CA10: variants seen among roughly 807,000 people sequenced by gnomAD.
CA10 encodes the protein carbonic anhydrase-related protein 10.
Under a neutral mutation model 44.2 loss-of-function variants are expected in CA10, and 14 were observed. The observed-to-expected ratio is 0.32, with a 90% CI of 0.21 to 0.50. The LOEUF (loss-of-function observed/expected upper bound fraction) is 0.50. Among genes scored for constraint, CA10 ranks in the 20% least tolerant of loss-of-function variants. The pLI is 0.99. For missense variants in CA10, 350 were observed against 409.7 expected, an observed-to-expected ratio of 0.85 and a Z score of 1.26; for synonymous variants, 159 against 141.6, an observed-to-expected ratio of 1.12 and a Z score of -0.87.
At chr17:52,156,470 T>G (rs2143427045) in intron 1 of CA10, among the ~76,000 whole-genome samples, 1 of 152,304 alleles carries the variant, frequency 6.6e-6, no homozygotes, top group South Asian at 2.1e-4. Context: ...CAGAATGATT[T>G]CGGATAAGAG....
intron 2 of CA10, among the ~76,000 whole-genome samples, chr17:51,932,426 T>C (rs1168258020): frequency 6.6e-6 from 1 of 152,158 alleles, no homozygotes; most frequent in African/African-American, 2.4e-5. Flanking sequence ...CCAAAGATAC[T>C]CAAATTCTTT....
intron 1 of CA10, among the ~76,000 whole-genome samples, chr17:52,152,377 T>C (rs1215481155): frequency 6.6e-6 from 1 of 152,140 alleles, no homozygotes; most frequent in Non-Finnish European, 1.5e-5. Context: ...AACTTTCCAG[T>C]ATCTCCCAAA....
chr17:52,117,374 G>A (rs1162529809), intron 1 of CA10, among the ~76,000 whole-genome samples: 1 of 152,140 alleles, frequency 6.6e-6, no homozygotes, highest in African/African-American at 2.4e-5. Context: ...AGCTATACCT[G>A]TTTATTGGGC....
At chr17:52,064,566 CTTTTT>C (rs5820903) in intron 2 of CA10, among the ~76,000 whole-genome samples, 4 of 148,852 alleles carry the variant, frequency 2.7e-5, no homozygotes, top group Non-Finnish European at 4.5e-5. Flanking sequence ...AATCATGAGA[CTTTTT>C]TTTTTTTTAA....
At chr17:52,092,060 T>C (rs959579746) in intron 1 of CA10, among the ~76,000 whole-genome samples, 10 of 152,184 alleles carry the variant, frequency 6.6e-5, no homozygotes, top group African/African-American at 2.4e-4. Flanking sequence ...TGTCTTTCTC[T>C]TTCTCTTTCT....
Position 51,804,108 on chromosome 17 carries a change from C to T in CA10, c.280-56290G>A, listed in dbSNP as rs114719529. 9.9e-3 allele frequency among the ~76,000 whole-genome samples: 1,500 copies of T among 152,240 alleles called. 29 individuals carry two copies. The highest frequency in any genetic ancestry group is 0.035 in the African/African-American group (1,446 of 41,526). ...TTATTATACAGTTTATAGAATGGTG[C>T]CTGGCACATATTTAAATGGTAAATT... On this transcript the variant is annotated intron_variant, in intron 3 of 8. Transcript: ENST00000451037.
intron 3 of CA10, among the ~76,000 whole-genome samples, chr17:51,779,773 G>A (rs2143674335): frequency 6.6e-6 from 1 of 152,286 alleles, no homozygotes; most frequent in Non-Finnish European, 1.5e-5. Context: ...TTTAGGTGAG[G>A]AACCTGAAAA....
rs181730412 is a variant in CA10 at position 51,785,257 on chromosome 17, G to C, written c.280-37439C>G. Among the ~76,000 whole-genome samples, 77 of 151,042 alleles carry C rather than the reference G, an allele frequency of 5.1e-4. 1 individual carries two copies. The East Asian group carries it at 0.012, about 23-fold the overall frequency. Reference sequence around the variant, plus strand: ...AACATGAGAGTGTAGATGTCTCTTCGATATACTGATTTCGTGGTTATTAAT... The same window carrying C: ...AACATGAGAGTGTAGATGTCTCTTCCATATACTGATTTCGTGGTTATTAAT... On this transcript the variant is annotated intron_variant, in intron 3 of 8. Transcript: ENST00000451037.
intron 3 of CA10, among the ~76,000 whole-genome samples, chr17:51,811,483 T>C (rs1447422194): frequency 1.3e-5 from 2 of 152,166 alleles, no homozygotes; most frequent in Admixed American, 6.5e-5. Context: ...CCCCACCCTG[T>C]GTCCAAGTAA....
At chr17:51,813,690 C>T (rs911612402) in intron 3 of CA10, among the ~76,000 whole-genome samples, 1 of 152,196 alleles carries the variant, frequency 6.6e-6, no homozygotes, top group African/African-American at 2.4e-5. Context: ...TGTGCAATTA[C>T]ACAGTGAGGG....
At chr17:51,701,707 A>G (rs1263963) in intron 4 of CA10, among the ~76,000 whole-genome samples, 65,891 of 152,014 alleles carry the variant, frequency 0.43, 14,702 homozygotes, top group African/African-American at 0.53. Flanking sequence ...GGCCAAGAAA[A>G]CAATTTCACA....
At chr17:51,744,698 G>A (rs140038652) in intron 4 of CA10, among the ~76,000 whole-genome samples, 30 of 152,184 alleles carry the variant, frequency 2.0e-4, no homozygotes, top group African/African-American at 6.0e-4. Flanking sequence ...TCACTGTATC[G>A]TTTTCATCGT....
At chr17:51,827,757 G>A (rs1286273923) in intron 3 of CA10, among the ~76,000 whole-genome samples, 1 of 152,142 alleles carries the variant, frequency 6.6e-6, no homozygotes, top group Non-Finnish European at 1.5e-5. Flanking sequence ...GGCACAGACT[G>A]GCTAGCTCTT....
chr17:51,727,356 C>T (rs952855134), intron 4 of CA10, among the ~76,000 whole-genome samples: 1 of 152,094 alleles, frequency 6.6e-6, no homozygotes, highest in Admixed American at 6.5e-5. Flanking sequence ...GGGTATCCCA[C>T]ACATTTTTAA....
intron 3 of CA10, among the ~76,000 whole-genome samples, chr17:51,845,032 C>T (rs1598077329): frequency 1.3e-5 from 2 of 152,126 alleles, no homozygotes; most frequent in African/African-American, 4.8e-5. Flanking sequence ...TGGAATGATG[C>T]ATTTACAAGC....
In CA10 at chr17:52,014,012, T is replaced by G. The variant is rs530703442; in HGVS notation, c.136+58307A>C. ...AACTAGAGGAAGCAAAGATAAATCA[T>G]GACAAACAAAAATATGATAGAAAGT... On this transcript the variant is annotated intron_variant, in intron 2 of 8. Transcript: ENST00000451037. 2.0e-5 allele frequency among the ~76,000 whole-genome samples: 3 copies of G among 151,900 alleles called. No homozygotes were observed. In the East Asian group the frequency reaches 5.8e-4, roughly 30 times the overall value.
At chr17:51,818,800 C>T (rs184995778) in intron 3 of CA10, among the ~76,000 whole-genome samples, 1 of 152,240 alleles carries the variant, frequency 6.6e-6, no homozygotes, top group African/African-American at 2.4e-5. Context: ...CCTGCAGATT[C>T]TTAGCTTCTC....
intron 3 of CA10, among the ~76,000 whole-genome samples, chr17:51,895,923 G>T: frequency 6.6e-6 from 1 of 151,728 alleles, no homozygotes; most frequent in Middle Eastern, 3.4e-3. Flanking sequence ...AGAAATTAAA[G>T]AATAAAAACA....
Position 52,118,886 on chromosome 17 carries a change from A to G in CA10, c.61+38840T>C, listed in dbSNP as rs561863653. Among the ~76,000 whole-genome samples the G allele has an allele frequency of 1.1e-3, 167 of 152,310 alleles. 1 individual carries two copies. Among genetic ancestry groups the G allele is most frequent in the African/African-American group, 3.7e-3 (155 of 41,570 alleles). On this transcript the variant is annotated intron_variant, in intron 1 of 8. Coordinates refer to ENST00000451037, the MANE Select transcript of CA10 (RefSeq NM_020178.5). ...TTCAAAAGATGGTTTATAATCAGCTATAGAACTTTGACAGGTACTCTCAAA... is the reference window on the plus strand; with the variant it reads ...TTCAAAAGATGGTTTATAATCAGCTGTAGAACTTTGACAGGTACTCTCAAA...
Sources: allele counts gnomAD v4.1 joint callset (sites outside exome capture counted in the v4.1 genomes callset), GRCh38; gene constraint gnomAD v4.1.1; transcripts MANE v1.5; gene names NCBI Gene and HGNC (gene_info 2026-07-23, HGNC 2026-07-21).